Variants in PDE11A observed in about 807,000 individuals in gnomAD.
PDE11A encodes phosphodiesterase 11A.
Under a neutral mutation model 100.5 loss-of-function variants are expected in PDE11A, and 100 were observed. The ratio of observed to expected loss-of-function variants is 1.00; its 90% confidence interval spans 0.85 to 1.18. The LOEUF is 1.18. Ranked by LOEUF, PDE11A falls within the 50% of genes most tolerant of loss-of-function variation. The pLI is 0.00. For missense variants in PDE11A, 1,141 were observed against 1,152.6 expected (o/e 0.99, Z 0.15); for synonymous variants, 381 against 420.8 (o/e 0.91, Z 1.16).
intron 9 of PDE11A, among the ~76,000 whole-genome samples, chr2:177,786,304 C>A (rs1442649964): frequency 6.6e-6 from 1 of 152,210 alleles, no homozygotes; most frequent in East Asian, 1.9e-4. Context: ...CTAGCAAACT[C>A]CAACAGACCT....
intron 19 of PDE11A, among the ~76,000 whole-genome samples, chr2:177,659,615 A>G (rs935039364): frequency 6.6e-6 from 1 of 152,188 alleles, no homozygotes; most frequent in Non-Finnish European, 1.5e-5. Context: ...TTCTAGGTAC[A>G]CTGAGATTTG....
At chr2:177,896,844 A>G (rs1046357784) in intron 4 of PDE11A, among the ~76,000 whole-genome samples, 3 of 152,124 alleles carry the variant, frequency 2.0e-5, no homozygotes, top group African/African-American at 7.2e-5. Flanking sequence ...GTGTGTGTGC[A>G]TGTTCTCCCA....
chr2:177,762,799 A>G (rs1445953602), intron 10 of PDE11A, among the ~76,000 whole-genome samples: 1 of 152,170 alleles, frequency 6.6e-6, no homozygotes, highest in East Asian at 1.9e-4. Flanking sequence ...AGAAGTGACA[A>G]ATAGTGGCTG....
intron 4 of PDE11A, among the ~76,000 whole-genome samples, chr2:177,882,683 C>G (rs980870949): frequency 2.1e-4 from 32 of 152,170 alleles, no homozygotes; most frequent in Non-Finnish European, 2.1e-4. Context: ...TTATTGCACC[C>G]TGGGGAAGGG....
intron 2 of PDE11A, among the ~76,000 whole-genome samples, chr2:177,928,836 C>T (rs2085166969): frequency 6.6e-6 from 1 of 151,714 alleles, no homozygotes; most frequent in African/African-American, 2.4e-5. Flanking sequence ...GCACTGTAGC[C>T]TGGGTTACAG....
chr2:177,853,455 A>G (rs2083751654), intron 5 of PDE11A, among the ~76,000 whole-genome samples: 1 of 151,274 alleles, frequency 6.6e-6, no homozygotes, highest in South Asian at 2.1e-4. Context: ...TGGCATCATT[A>G]TCAGATTTGG....
At chr2:177,947,669 CT>C (rs2085460075) in intron 2 of PDE11A, among the ~76,000 whole-genome samples, 1 of 151,706 alleles carries the variant, frequency 6.6e-6, no homozygotes, top group Non-Finnish European at 1.5e-5. Context: ...AACCAGAGAC[CT>C]TTGTTCACTT....
intron 1 of PDE11A, among the ~76,000 whole-genome samples, chr2:178,042,295 C>T (rs2086692781): frequency 6.6e-6 from 1 of 152,094 alleles, no homozygotes; most frequent in Non-Finnish European, 1.5e-5. Context: ...GCCTTGTCAA[C>T]ACATTGAGAC....
chr2:177,991,756 A>G (rs2086007960), intron 2 of PDE11A, among the ~76,000 whole-genome samples: 1 of 149,968 alleles, frequency 6.7e-6, no homozygotes, highest in African/African-American at 2.5e-5. Flanking sequence ...GTCAGGATAG[A>G]ATTCTTCTAG....
At chr2:177,998,934 C>A (rs180890792) in intron 2 of PDE11A, among the ~76,000 whole-genome samples, 1 of 152,180 alleles carries the variant, frequency 6.6e-6, no homozygotes. Context: ...GCCACATCAT[C>A]CGGATCAAAT....
chr2:177,861,073 C>G (rs2083936748), intron 5 of PDE11A, among the ~76,000 whole-genome samples: 1 of 151,600 alleles, frequency 6.6e-6, no homozygotes, highest in African/African-American at 2.4e-5. Flanking sequence ...TAACAATGTA[C>G]TGGAGGTTCT....
At chr2:177,738,428 G>A (rs1348638801) in intron 10 of PDE11A, among the ~76,000 whole-genome samples, 3 of 152,186 alleles carry the variant, frequency 2.0e-5, no homozygotes, top group African/African-American at 7.2e-5. Context: ...ACAAGAGGCA[G>A]TTAAGCTTGT....
intron 1 of PDE11A, among the ~76,000 whole-genome samples, chr2:178,024,168 T>C (rs1392801608): frequency 6.6e-6 from 1 of 152,008 alleles, no homozygotes; most frequent in Non-Finnish European, 1.5e-5. Flanking sequence ...TCCCAGCACT[T>C]TGGGAGGCTG....
intron 1 of PDE11A, among the ~76,000 whole-genome samples, chr2:178,062,577 A>G (rs540438114): frequency 4.5e-4 from 68 of 152,308 alleles, no homozygotes; most frequent in African/African-American, 1.6e-3. Flanking sequence ...TCTTTCCCAC[A>G]GTGTCCCAAG....
At chr2:178,037,387 C>T (rs1022618129) in intron 1 of PDE11A, among the ~76,000 whole-genome samples, 12 of 151,958 alleles carry the variant, frequency 7.9e-5, no homozygotes, top group Admixed American at 2.0e-4. Context: ...GCTGGAGAGG[C>T]GGTGGAGAAA....
intron 12 of PDE11A, among the ~76,000 whole-genome samples, chr2:177,713,987 CTT>C (rs57211363): frequency 0.053 from 4,078 of 76,884 alleles, 48 homozygotes; most frequent in African/African-American, 0.21. Flanking sequence ...TTTCTTTTTT[CTT>C]TTTTTTTTTT....
chr2:177,939,997 T>A (rs2085327728), intron 2 of PDE11A, among the ~76,000 whole-genome samples: 3 of 152,210 alleles, frequency 2.0e-5, no homozygotes, highest in Admixed American at 2.0e-4. Flanking sequence ...CAATTTTTTT[T>A]AAAAGAGTGA....
At chr2:177,702,584 G>T (rs2081215361) in intron 13 of PDE11A, 1 of 152,170 alleles carries the variant, frequency 6.6e-6, no homozygotes, top group Non-Finnish European at 1.5e-5. Flanking sequence ...AGCAAGGACT[G>T]CATCTAAGTG....
chr2:177,654,291 G>A (rs1559127844), intron 19 of PDE11A, among the ~76,000 whole-genome samples: 1 of 152,198 alleles, frequency 6.6e-6, no homozygotes, highest in Non-Finnish European at 1.5e-5. Flanking sequence ...AGGCCAAGGT[G>A]GGCAGATCAC....
Sources: allele counts gnomAD v4.1 joint callset (sites outside exome capture counted in the v4.1 genomes callset), GRCh38; gene constraint gnomAD v4.1.1; transcripts MANE v1.5; gene names NCBI Gene and HGNC (gene_info 2026-07-23, HGNC 2026-07-21).